COMMD10: variants seen among roughly 807,000 people sequenced by gnomAD.
COMMD10 encodes the protein COMM domain-containing protein 10.
Under a neutral mutation model 28.9 loss-of-function variants are expected in COMMD10, and 33 were observed. The ratio of observed to expected loss-of-function variants is 1.14; its 90% CI spans 0.87 to 1.53. The LOEUF (loss-of-function observed/expected upper bound fraction) is 1.53, where lower values mean the gene tolerates loss of function less well. Among genes scored for constraint, COMMD10 ranks in the 40% most tolerant of loss-of-function variants. The pLI is 0.00. For missense variants in COMMD10, 310 were observed against 233.4 expected, an observed-to-expected ratio of 1.33 and a Z score of -2.14; for synonymous variants, 110 against 81.7, an observed-to-expected ratio of 1.35 and a Z score of -1.87.
At chr5:116,123,369 G>C (rs78570917) in intron 4 of COMMD10, among the ~76,000 whole-genome samples, 9 of 152,140 alleles carry the variant, frequency 5.9e-5, no homozygotes, top group African/African-American at 2.2e-4. Flanking sequence ...GATGGATTAC[G>C]TTTATTGATT....
intron 5 of COMMD10, among the ~76,000 whole-genome samples, chr5:116,244,844 A>G (rs1749901467): frequency 6.6e-6 from 1 of 151,960 alleles, no homozygotes; most frequent in Admixed American, 6.6e-5. Flanking sequence ...TTAAGAGGGA[A>G]ATGTATAGCA....
chr5:116,268,246 T>A (rs1300498003), intron 5 of COMMD10, among the ~76,000 whole-genome samples: 1 of 151,630 alleles, frequency 6.6e-6, no homozygotes, highest in Non-Finnish European at 1.5e-5. Context: ...CTTAAACAAA[T>A]TTACAAGAAA....
intron 5 of COMMD10, among the ~76,000 whole-genome samples, chr5:116,137,674 C>G (rs1405760818): frequency 6.6e-6 from 1 of 151,912 alleles, no homozygotes; most frequent in Non-Finnish European, 1.5e-5. Context: ...TTCTTTTTCA[C>G]TTCTAACATA....
At chr5:116,249,472 C>T (rs1248887530) in intron 5 of COMMD10, among the ~76,000 whole-genome samples, 2 of 151,796 alleles carry the variant, frequency 1.3e-5, no homozygotes, top group Non-Finnish European at 2.9e-5. Context: ...AAAAAGAATT[C>T]TTATATAAGC....
In COMMD10 at chr5:116,149,865, A is replaced by G. The variant is rs1323067285; in HGVS notation, c.510+15687A>G. Among the ~76,000 whole-genome samples, 26 of 149,716 alleles carry G rather than the reference A, an allele frequency of 1.7e-4. 1 individual carries two copies. Among genetic ancestry groups the G allele is most frequent in the Admixed American group, 1.6e-3 (24 of 15,030 alleles). The stretch of plus-strand genomic sequence containing the variant: ...TGCAGAAGCTCTTTAGTTTAATTAG[A>G]TCCCATTTGTCAATTTTGTCTTTTG... On this transcript the variant is annotated intron_variant, in intron 5 of 6. Coordinates refer to ENST00000274458, the MANE Select transcript of COMMD10 (RefSeq NM_016144.4).
intron 5 of COMMD10, among the ~76,000 whole-genome samples, chr5:116,183,870 T>A (rs187984008): frequency 2.0e-5 from 3 of 152,274 alleles, no homozygotes; most frequent in African/African-American, 7.2e-5. Flanking sequence ...AATTAGTGCT[T>A]ATTAGAAATG....
intron 6 of COMMD10, among the ~76,000 whole-genome samples, 178 bp downstream of exon 6, chr5:116,291,754 A>C (rs981878398): frequency 1.4e-4 from 19 of 136,842 alleles, no homozygotes; most frequent in African/African-American, 4.5e-4. Flanking sequence ...GAATTTGAAA[A>C]ACTAAATCAG....
intron 5 of COMMD10, among the ~76,000 whole-genome samples, chr5:116,211,759 T>C (rs1748970151): frequency 6.6e-6 from 1 of 152,096 alleles, no homozygotes; most frequent in African/African-American, 2.4e-5. Context: ...GCAGCTACAT[T>C]ACACACTCAT....
intron 5 of COMMD10, among the ~76,000 whole-genome samples, chr5:116,165,930 G>T (rs570362935): frequency 2.0e-5 from 3 of 152,174 alleles, no homozygotes; most frequent in South Asian, 4.2e-4. Flanking sequence ...CCCTTTATCT[G>T]CCCCTGAGAG....
chr5:116,191,522 C>G (rs1748371887), intron 5 of COMMD10, among the ~76,000 whole-genome samples: 1 of 151,700 alleles, frequency 6.6e-6, no homozygotes, highest in Non-Finnish European at 1.5e-5. Flanking sequence ...TGCCAGCTTT[C>G]CCCCACTTCC....
At chr5:116,281,737 A>G (rs1365524904) in intron 5 of COMMD10, among the ~76,000 whole-genome samples, 2 of 151,896 alleles carry the variant, frequency 1.3e-5, no homozygotes, top group African/African-American at 4.9e-5. Flanking sequence ...ATACTCGTTT[A>G]CTGATTTATT....
At chr5:116,238,375 T>C (rs1749733978) in intron 5 of COMMD10, among the ~76,000 whole-genome samples, 1 of 152,204 alleles carries the variant, frequency 6.6e-6, no homozygotes, top group Admixed American at 6.5e-5. Context: ...AATTGGGCAA[T>C]TCTCAAATCT....
chr5:116,136,219 A>G (rs1001686631), intron 5 of COMMD10, among the ~76,000 whole-genome samples: 14 of 152,070 alleles, frequency 9.2e-5, no homozygotes, highest in African/African-American at 3.4e-4. Flanking sequence ...TCCTTACTGG[A>G]AATTAGGAGG....
chr5:116,203,810 G>A (rs1748739485), intron 5 of COMMD10, among the ~76,000 whole-genome samples: 1 of 151,956 alleles, frequency 6.6e-6, no homozygotes, highest in African/African-American at 2.4e-5. Flanking sequence ...AGACCATCGA[G>A]ACTAGGAAGA....
intron 5 of COMMD10, among the ~76,000 whole-genome samples, chr5:116,266,638 T>C (rs1750591852): frequency 6.6e-6 from 1 of 151,114 alleles, no homozygotes; most frequent in Non-Finnish European, 1.5e-5. Context: ...AATAAAAATT[T>C]GTTTTCACAG....
chr5:116,257,552 A>G (rs1750321821), intron 5 of COMMD10, among the ~76,000 whole-genome samples: 1 of 151,726 alleles, frequency 6.6e-6, no homozygotes, highest in Admixed American at 6.6e-5. Flanking sequence ...TAATAAGTAC[A>G]TAGGAGTACA....
chr5:116,214,167 A>G lies in COMMD10; in HGVS notation c.511-77350A>G, dbSNP rs1470202496. On this transcript the variant is annotated intron_variant, in intron 5 of 6. Coordinates refer to ENST00000274458, the MANE Select transcript of COMMD10 (RefSeq NM_016144.4). ...TAGCTGTTGCTTTCTGGACCTTTGT[A>G]TTGCCTAAGGGATGCAAACTTCTTG... Among the ~76,000 whole-genome samples the G allele has an allele frequency of 2.6e-5, 4 of 152,134 alleles. No individual in the cohort carries two copies. In the East Asian group the frequency reaches 5.8e-4, roughly 22 times the overall value.
intron 5 of COMMD10, among the ~76,000 whole-genome samples, chr5:116,185,877 A>T (rs1256949773): frequency 6.6e-6 from 1 of 152,034 alleles, no homozygotes; most frequent in Non-Finnish European, 1.5e-5. Flanking sequence ...CTCTCATTTC[A>T]GTGTCTGCAA....
At chr5:116,179,933 A>G (rs560906350) in intron 5 of COMMD10, among the ~76,000 whole-genome samples, 2 of 152,234 alleles carry the variant, frequency 1.3e-5, no homozygotes, top group Admixed American at 1.3e-4. Flanking sequence ...AAAGGTAAGA[A>G]GAGTGTAGCA....
Sources: gnomAD v4.1 joint callset for allele counts (sites outside exome capture counted in the v4.1 genomes callset) on GRCh38, gnomAD v4.1.1 for gene constraint, MANE v1.5 for transcripts, NCBI Gene and HGNC (gene_info 2026-07-23, HGNC 2026-07-21) for gene names.